The following ANKRD17 variants were observed in gnomAD, a reference collection of about 807,000 sequenced individuals.
ANKRD17 encodes ankyrin repeat domain-containing protein 17.
In ANKRD17, 19 loss-of-function variants were observed where a neutral mutation model predicts 229.7. The ratio of observed to expected loss-of-function variants is 0.08; its 90% CI spans 0.06 to 0.12. The LOEUF (loss-of-function observed/expected upper bound fraction) is 0.12. Ranked by LOEUF, ANKRD17 falls within the 10% of genes least tolerant of loss-of-function variation. The pLI is 1.00. For synonymous variants in ANKRD17, 1,112 were observed against 1,146.1 expected, an observed-to-expected ratio of 0.97 and a Z score of 0.60; for missense variants, 2,176 against 3,176.8, an observed-to-expected ratio of 0.68 and a Z score of 7.57.
chr4:73,140,265 G>C lies in ANKRD17; in HGVS notation c.2351C>G (p.Ser784Cys). 1.9e-6 allele frequency: 3 copies of C among 1,597,304 alleles called. No homozygotes were observed. Among genetic ancestry groups the C allele is most frequent in the Non-Finnish European group, 2.6e-6 (3 of 1,175,012 alleles). The change falls in exon 15 of 34, where the codon TCC becomes TGC. Residue 784 changes from serine to cysteine, a missense_variant. Ser to Cys is a moderately radical substitution (Grantham distance 112). Coordinates refer to ENST00000358602, the MANE Select transcript of ANKRD17 (RefSeq NM_032217.5). ...GCTGTTTGCTGGCAAATGGCTGCTG[G>C]ACTTTTGTTTAGAAGCAGCTGTGTG... ...IRNKAASKQKSSSHLPANSQD... is the reference protein window; with the variant it reads ...IRNKAASKQKCSSHLPANSQD...
rs1722017911 is a variant in ANKRD17, at chr4:73,085,455, T to C, written c.6962-9A>G. ...GTCCATATTGACAATACCTATAATG[T>C]AGAAGGTCATCATAATTTATAATAG... is the stretch of plus-strand genomic sequence containing the variant. On this transcript the variant is annotated splice_polypyrimidine_tract_variant and intron_variant, in intron 29 of 33. Transcript: ENST00000358602. 4.4e-6 allele frequency: 7 copies of C among 1,605,826 alleles called. No homozygotes were observed. The highest frequency in any genetic ancestry group is 5.1e-6 in the Non-Finnish European group (6 of 1,172,660).
intron 1 of ANKRD17, among the ~76,000 whole-genome samples, chr4:73,185,718 T>TA (rs1736205643): frequency 6.6e-6 from 1 of 152,076 alleles, no homozygotes; most frequent in Admixed American, 6.6e-5. Flanking sequence ...AGAAATGACT[T>TA]ACGGCTATCA....
intron 6 of ANKRD17, 90 bp from the exon 7 acceptor site, chr4:73,151,614 A>G: frequency 1.0e-6 from 1 of 965,604 alleles, no homozygotes; most frequent in East Asian, 2.9e-5. Flanking sequence ...GTTATATTTA[A>G]CTTACAGCAT....
chr4:73,091,375 C>T lies in ANKRD17; in HGVS notation c.6253G>A (p.Val2085Ile). The change falls in exon 29 of 34, where the codon GTA becomes ATA. Residue 2085 changes from valine (V) to isoleucine (I), a missense_variant. Transcript: ENST00000358602. Reference sequence around the variant, plus strand: ...GGAGGTCTAGTGTTTGTTGTTTCTACTACTGGTGGACTACCTGCTTCCTGT... The same window carrying T: ...GGAGGTCTAGTGTTTGTTGTTTCTATTACTGGTGGACTACCTGCTTCCTGT... ...SEQEAGSPPVVETTNTRPPNS... is the reference protein window; with the variant it reads ...SEQEAGSPPVIETTNTRPPNS... The T allele has an allele frequency of 1.2e-6, 2 of 1,614,118 alleles. No individual in the cohort carries two copies. The highest frequency in any genetic ancestry group is 1.1e-5 in the South Asian group (1 of 91,082).
chr4:73,207,777 C>T (rs1327010967), intron 1 of ANKRD17, among the ~76,000 whole-genome samples: 1 of 152,088 alleles, frequency 6.6e-6, no homozygotes, highest in South Asian at 2.1e-4. Context: ...ATACATGAAG[C>T]AAAAACTGAC....
At chr4:73,123,135 C>T (rs1726975450) in intron 18 of ANKRD17, among the ~76,000 whole-genome samples, 2 of 151,774 alleles carry the variant, frequency 1.3e-5, no homozygotes, top group Non-Finnish European at 2.9e-5. Context: ...ATTACAGTGC[C>T]CTATTGGCTT....
intron 1 of ANKRD17, among the ~76,000 whole-genome samples, chr4:73,226,441 G>T (rs1403690255): frequency 7.1e-6 from 1 of 141,770 alleles, no homozygotes; most frequent in Non-Finnish European, 1.5e-5. Flanking sequence ...GTCGCCTGGG[G>T]TGGAGTGCAG....
intron 1 of ANKRD17, among the ~76,000 whole-genome samples, chr4:73,216,354 T>C (rs565768184): frequency 7.4e-4 from 112 of 152,290 alleles, no homozygotes; most frequent in South Asian, 1.4e-3. Context: ...TAGTGATAGA[T>C]ATAACTCTCA....
intron 1 of ANKRD17, among the ~76,000 whole-genome samples, chr4:73,241,874 C>A (rs1171930152): frequency 1.3e-5 from 2 of 152,092 alleles, no homozygotes; most frequent in African/African-American, 2.4e-5. Context: ...TCTTTTATTA[C>A]AATTCACCAT....
intron 16 of ANKRD17, among the ~76,000 whole-genome samples, chr4:73,130,798 G>A (rs896293494): frequency 3.3e-5 from 5 of 151,866 alleles, no homozygotes; most frequent in African/African-American, 4.8e-5. Context: ...ATTGGTAGTG[G>A]CTCCTAGAAT....
chr4:73,225,896 A>T (rs1742428353), intron 1 of ANKRD17, among the ~76,000 whole-genome samples: 1 of 150,618 alleles, frequency 6.6e-6, no homozygotes, highest in African/African-American at 2.4e-5. Context: ...GAAAGAAAAG[A>T]AAAAAGAAAT....
intron 33 of ANKRD17, among the ~76,000 whole-genome samples, chr4:73,076,549 T>C (rs186360526): frequency 3.9e-5 from 6 of 152,262 alleles, no homozygotes; most frequent in African/African-American, 1.2e-4. Flanking sequence ...AAATCAAAGA[T>C]ATTAAACATA....
At chr4:73,133,699 G>C (rs754186686) in intron 16 of ANKRD17, among the ~76,000 whole-genome samples, 1 of 151,762 alleles carries the variant, frequency 6.6e-6, no homozygotes, top group Non-Finnish European at 1.5e-5. Context: ...CGGCCATCTC[G>C]TATTTTTTTT....
intron 3 of ANKRD17, among the ~76,000 whole-genome samples, chr4:73,158,387 T>C (rs758459637): frequency 6.6e-6 from 1 of 152,162 alleles, no homozygotes; most frequent in South Asian, 2.1e-4. Flanking sequence ...TTTGGCCACA[T>C]TGGTCTTCTT....
At position 73,076,201 on chromosome 4, in the gene ANKRD17, G is replaced by C; in HGVS notation, c.*30C>G. The C allele has an allele frequency of 6.3e-7, 1 of 1,581,318 alleles. No individual in the cohort carries two copies. Among genetic ancestry groups the C allele is most frequent in the South Asian group, 1.2e-5 (1 of 85,196 alleles). Reference sequence around the variant, plus strand: ...ACTTGTGATTTCCTCCAAATGAAAAGGAATCTGCAGGCTAACAAGCTGATC... The same window carrying C: ...ACTTGTGATTTCCTCCAAATGAAAACGAATCTGCAGGCTAACAAGCTGATC... On this transcript the variant is annotated 3_prime_UTR_variant, in exon 34 of 34. Coordinates refer to ENST00000358602, the MANE Select transcript of ANKRD17 (RefSeq NM_032217.5).
intron 15 of ANKRD17, 52 bp downstream of exon 15, chr4:73,139,479 C>A: frequency 6.5e-7 from 1 of 1,534,414 alleles, no homozygotes; most frequent in South Asian, 1.3e-5. Context: ...TACATTCTTA[C>A]TCGCCTTAAG....
intron 1 of ANKRD17, among the ~76,000 whole-genome samples, chr4:73,232,402 A>G (rs1488526381): frequency 2.6e-5 from 4 of 152,090 alleles, no homozygotes; most frequent in Non-Finnish European, 4.4e-5. Flanking sequence ...AGGCCTCAGA[A>G]TTTTCCAATT....
intron 5 of ANKRD17, among the ~76,000 whole-genome samples, chr4:73,155,153 G>GA (rs958599603): frequency 9.2e-5 from 14 of 151,686 alleles, no homozygotes; most frequent in Non-Finnish European, 1.8e-4. Flanking sequence ...GCCCAAATTT[G>GA]AAAAAAATAT....
At chr4:73,113,751 GA>G in intron 24 of ANKRD17, 40 bp downstream of exon 24, 1 of 1,397,808 alleles carries the variant, frequency 7.2e-7, no homozygotes, top group Non-Finnish European at 1.0e-6. Context: ...AAACAAGATG[GA>G]AAAAAGTGGG....
Sources: gnomAD v4.1 joint callset for allele counts (sites outside exome capture counted in the v4.1 genomes callset) on GRCh38, gnomAD v4.1.1 for gene constraint, MANE v1.5 for transcripts, NCBI Gene and HGNC (gene_info 2026-07-23, HGNC 2026-07-21) for gene names.